Variants in IFT43 observed in about 807,000 individuals in gnomAD.
IFT43 encodes intraflagellar transport protein 43 homolog.
IFT43 carries 33 observed loss-of-function variants against 32.3 expected under a neutral mutation model. The observed-to-expected ratio is 1.02, with a 90% CI of 0.77 to 1.37. The LOEUF (loss-of-function observed/expected upper bound fraction) is 1.37. Among genes scored for constraint, IFT43 ranks in the 40% most tolerant of loss-of-function variants. The probability of loss-of-function intolerance (pLI) is 0.00; values close to 1 mark genes in which losing one functional copy is unlikely to be tolerated. For missense variants in IFT43, 274 were observed against 265.9 expected (o/e 1.03, Z -0.21); for synonymous variants, 93 against 98.2 (o/e 0.95, Z 0.31).
intron 5 of IFT43, among the ~76,000 whole-genome samples, chr14:76,077,126 G>T (rs2037426578): frequency 6.6e-6 from 1 of 152,104 alleles, no homozygotes; most frequent in Non-Finnish European, 1.5e-5. Flanking sequence ...GCCTCAGGTT[G>T]GAAGCCAGAT....
intron 3 of IFT43, among the ~76,000 whole-genome samples, chr14:76,023,495 A>G (rs1445834062): frequency 1.3e-5 from 2 of 152,224 alleles, no homozygotes; most frequent in Non-Finnish European, 2.9e-5. Flanking sequence ...AATAGTTCTT[A>G]CTTGAAAGGA....
intron 3 of IFT43, among the ~76,000 whole-genome samples, chr14:76,044,747 A>G (rs1365365971): frequency 6.6e-6 from 1 of 152,202 alleles, no homozygotes; most frequent in Non-Finnish European, 1.5e-5. Context: ...GCTATGTGCC[A>G]GGAAACCAAA....
In IFT43 at chr14:76,025,074, A is replaced by G. The variant is rs1012847081; in HGVS notation, c.215+2680A>G. Reference sequence around the variant, plus strand: ...TCCTTAATCTCTTGCACCAAGTCTTAGATGAAAGATAAAAAAAATATATAT... The same window carrying G: ...TCCTTAATCTCTTGCACCAAGTCTTGGATGAAAGATAAAAAAAATATATAT... On this transcript the variant is annotated intron_variant, in intron 3 of 8. Coordinates refer to ENST00000314067, the MANE Select transcript of IFT43 (RefSeq NM_001102564.3). Among the ~76,000 whole-genome samples the G allele has an allele frequency of 2.0e-5, 3 of 152,016 alleles. No homozygotes were observed. The South Asian group carries it at 6.2e-4, about 32-fold the overall frequency.
chr14:76,057,924 T>A (rs1231966302), intron 3 of IFT43, among the ~76,000 whole-genome samples: 1 of 152,230 alleles, frequency 6.6e-6, no homozygotes, highest in Non-Finnish European at 1.5e-5. Context: ...TCAGTGTTTC[T>A]CAGAGTGTGA....
intron 5 of IFT43, among the ~76,000 whole-genome samples, chr14:76,078,967 T>C (rs1334991860): frequency 6.6e-6 from 1 of 152,152 alleles, no homozygotes; most frequent in African/African-American, 2.4e-5. Context: ...TCAGGGTGTA[T>C]GGTAAGGGAG....
rs1000021600 is a variant in IFT43, at chr14:76,082,547, G to A, written c.369-70G>A. The A allele has an allele frequency of 2.7e-5, 43 of 1,573,034 alleles. No individual in the cohort carries two copies. In the East Asian group the frequency reaches 2.9e-4, roughly 11 times the overall value. On this transcript the variant is annotated intron_variant, in intron 6 of 8. Transcript: ENST00000314067. Reference sequence around the variant, plus strand: ...CTGCTGTATACAAGGTTCTGGGGACGGTGGCCCGGCAGCACTCCTGGAACA... The same window carrying A: ...CTGCTGTATACAAGGTTCTGGGGACAGTGGCCCGGCAGCACTCCTGGAACA...
chr14:76,069,006 G>A, intron 5 of IFT43, among the ~76,000 whole-genome samples: 1 of 152,152 alleles, frequency 6.6e-6, no homozygotes, highest in Non-Finnish European at 1.5e-5. Context: ...TGAAGGATGA[G>A]TGCACTGGGT....
intron 5 of IFT43, among the ~76,000 whole-genome samples, chr14:76,068,599 T>C (rs1287864890): frequency 1.3e-5 from 2 of 152,244 alleles, no homozygotes; most frequent in Non-Finnish European, 2.9e-5. Flanking sequence ...AAAACTGCTC[T>C]GTCTTACTGA....
chr14:76,066,222 C>A (rs925098420), intron 5 of IFT43, among the ~76,000 whole-genome samples: 4 of 152,226 alleles, frequency 2.6e-5, no homozygotes, highest in African/African-American at 9.6e-5. Flanking sequence ...AAGAATACTT[C>A]TAGTATTTTT....
At chr14:76,082,075 C>T (rs2037520609) in intron 5 of IFT43, among the ~76,000 whole-genome samples, 1 of 152,212 alleles carries the variant, frequency 6.6e-6, no homozygotes, top group Admixed American at 6.5e-5. Context: ...GAGCGTGACC[C>T]AGGAGGTTCT....
intron 3 of IFT43, among the ~76,000 whole-genome samples, chr14:76,033,491 T>C (rs113015697): frequency 3.9e-5 from 6 of 152,230 alleles, no homozygotes; most frequent in Admixed American, 6.5e-5. Context: ...ATGGGGACTT[T>C]AGAGAATTTC....
intron 3 of IFT43, among the ~76,000 whole-genome samples, chr14:76,056,826 AG>A (rs2037027281): frequency 6.6e-6 from 1 of 152,208 alleles, no homozygotes; most frequent in South Asian, 2.1e-4. Flanking sequence ...CACAGACAGA[AG>A]GTGGCTTTGA....
rs528376228 is a variant in IFT43, at chr14:75,989,924, A to G, written c.147+947A>G. Among the ~76,000 whole-genome samples, 6 of 152,350 alleles carry G rather than the reference A, an allele frequency of 3.9e-5. No individual in the cohort carries two copies. In the South Asian group the frequency reaches 1.2e-3, roughly 32 times the overall value. On this transcript the variant is annotated intron_variant, in intron 2 of 8. Transcript: ENST00000314067. ...AGGTAGGAATATTCTTCATTTTCGT[A>G]GGAAATGCATTCTCCACCACTTTCT... is the stretch of plus-strand genomic sequence containing the variant.
At chr14:76,060,755 T>C (rs2037116085) in intron 5 of IFT43, among the ~76,000 whole-genome samples, 1 of 152,166 alleles carries the variant, frequency 6.6e-6, no homozygotes, top group Admixed American at 6.5e-5. Flanking sequence ...TTTTTTTCTT[T>C]TAGCATTTTA....
intron 3 of IFT43, among the ~76,000 whole-genome samples, chr14:76,045,618 C>T (rs1259883476): frequency 6.6e-6 from 1 of 152,202 alleles, no homozygotes; most frequent in African/African-American, 2.4e-5. Flanking sequence ...CTTTCTGCCC[C>T]ACCATCCTTA....
At chr14:76,045,141 A>G (rs893564993) in intron 3 of IFT43, among the ~76,000 whole-genome samples, 5 of 152,200 alleles carry the variant, frequency 3.3e-5, no homozygotes, top group African/African-American at 1.2e-4. Context: ...ATAAATCACA[A>G]TAACACACTC....
chr14:76,078,564 A>G (rs527475410), intron 5 of IFT43, among the ~76,000 whole-genome samples: 22 of 152,080 alleles, frequency 1.4e-4, no homozygotes, highest in Non-Finnish European at 2.9e-4. Context: ...AGACAGATGG[A>G]GTTTCCTCAC....
chr14:76,045,665 G>A (rs1725029463), intron 3 of IFT43, among the ~76,000 whole-genome samples: 1 of 152,180 alleles, frequency 6.6e-6, no homozygotes, highest in African/African-American at 2.4e-5. Context: ...GTGCCTCCTG[G>A]TTGTGGGATG....
At chr14:76,026,136 A>G (rs1204388873) in intron 3 of IFT43, among the ~76,000 whole-genome samples, 1 of 152,220 alleles carries the variant, frequency 6.6e-6, no homozygotes, top group Non-Finnish European at 1.5e-5. Flanking sequence ...CAAAGGATGA[A>G]CAAACACTTT....
Sources: allele counts gnomAD v4.1 joint callset (sites outside exome capture counted in the v4.1 genomes callset), GRCh38; gene constraint gnomAD v4.1.1; transcripts MANE v1.5; gene names NCBI Gene and HGNC (gene_info 2026-07-23, HGNC 2026-07-21).